ZNF385D: variants seen among roughly 807,000 people sequenced by gnomAD.
ZNF385D encodes the protein zinc finger protein 385D, also known as zinc finger protein 659.
In ZNF385D, 15 loss-of-function variants were observed where a neutral mutation model predicts 35.8. The observed-to-expected ratio is 0.42, with a 90% CI of 0.28 to 0.64. The LOEUF is 0.64. ZNF385D is among the 30% of genes least tolerant of loss of function. The probability of loss-of-function intolerance (pLI) is 0.23; values close to 1 mark genes in which losing one functional copy is unlikely to be tolerated. For missense variants in ZNF385D, 474 were observed against 494.6 expected (o/e 0.96, Z 0.39); for synonymous variants, 212 against 186.8 (o/e 1.13, Z -1.10).
chr3:22,204,015 C>T (rs965773661), intron 2 of ZNF385D, among the ~76,000 whole-genome samples: 5 of 152,190 alleles, frequency 3.3e-5, no homozygotes, highest in African/African-American at 1.2e-4. Flanking sequence ...GTGGTGGTTA[C>T]AGTGCACCTT....
intron 3 of ZNF385D, among the ~76,000 whole-genome samples, chr3:21,524,633 T>C (rs1039016895): frequency 3.9e-5 from 6 of 152,104 alleles, no homozygotes; most frequent in Admixed American, 3.9e-4. Context: ...TTCATAAGGA[T>C]AAAAGTCCTA....
chr3:21,930,752 A>G (rs1700966267), intron 3 of ZNF385D, among the ~76,000 whole-genome samples: 1 of 152,148 alleles, frequency 6.6e-6, no homozygotes, highest in African/African-American at 2.4e-5. Flanking sequence ...AAATTGTGCT[A>G]ATAAGATGCC....
chr3:22,265,229 G>A (rs979889301), intron 2 of ZNF385D, among the ~76,000 whole-genome samples: 5 of 151,874 alleles, frequency 3.3e-5, no homozygotes, highest in African/African-American at 9.7e-5. Flanking sequence ...ATTACAGGGC[G>A]ACCTACTCAG....
At chr3:21,851,752 G>T (rs979637890) in intron 3 of ZNF385D, among the ~76,000 whole-genome samples, 2 of 151,916 alleles carry the variant, frequency 1.3e-5, no homozygotes, top group African/African-American at 4.8e-5. Flanking sequence ...TTAAAAAGGT[G>T]CCAACTCAAC....
At chr3:22,372,290 TC>T in intron 2 of ZNF385D, among the ~76,000 whole-genome samples, 1 of 151,986 alleles carries the variant, frequency 6.6e-6, no homozygotes, top group Non-Finnish European at 1.5e-5. Context: ...GAAAAGGTGG[TC>T]CAAGGTCTGG....
chr3:21,956,405 G>C (rs1443796682), intron 3 of ZNF385D, among the ~76,000 whole-genome samples: 1 of 149,162 alleles, frequency 6.7e-6, no homozygotes, highest in Non-Finnish European at 1.5e-5. Flanking sequence ...AGAAGATAAA[G>C]GTATGTTTAA....
chr3:21,897,943 T>G (rs1214080901), intron 3 of ZNF385D, among the ~76,000 whole-genome samples: 2 of 152,162 alleles, frequency 1.3e-5, no homozygotes, highest in Non-Finnish European at 2.9e-5. Context: ...TTTAAAAAAC[T>G]GAACCATCTA....
At chr3:22,334,856 TG>T (rs1695094370) in intron 2 of ZNF385D, among the ~76,000 whole-genome samples, 1 of 151,800 alleles carries the variant, frequency 6.6e-6, no homozygotes, top group African/African-American at 2.4e-5. Context: ...CAGAAATAAA[TG>T]GAACTAATTT....
intron 2 of ZNF385D, among the ~76,000 whole-genome samples, chr3:22,367,579 T>C (rs1023574891): frequency 2.9e-5 from 4 of 137,820 alleles, no homozygotes; most frequent in African/African-American, 1.0e-4. Flanking sequence ...CTTAACTAAA[T>C]ACAATTTTAA....
chr3:21,842,650 G>C (rs1695753547), intron 3 of ZNF385D, among the ~76,000 whole-genome samples: 1 of 151,958 alleles, frequency 6.6e-6, no homozygotes, highest in Non-Finnish European at 1.5e-5. Flanking sequence ...TTTTCCAGTT[G>C]TAAAACTCTG....
At chr3:22,100,216 C>G (rs1327691114) in intron 3 of ZNF385D, among the ~76,000 whole-genome samples, 1 of 143,682 alleles carries the variant, frequency 7.0e-6, no homozygotes, top group Non-Finnish European at 1.5e-5. Context: ...GAAATAGGAA[C>G]ACTTTTACAC....
intron 1 of ZNF385D, among the ~76,000 whole-genome samples, chr3:21,720,563 G>A (rs2068499140): frequency 6.6e-6 from 1 of 152,140 alleles, no homozygotes; most frequent in South Asian, 2.1e-4. Flanking sequence ...CAAAAAAAAT[G>A]CCAATTCTCA....
chr3:21,482,487 T>C (rs1012819362), intron 4 of ZNF385D, among the ~76,000 whole-genome samples: 2 of 152,180 alleles, frequency 1.3e-5, no homozygotes, highest in Non-Finnish European at 2.9e-5. Flanking sequence ...AAGTCATCCT[T>C]GCCCATGGTC....
intron 3 of ZNF385D, among the ~76,000 whole-genome samples, chr3:22,042,785 G>C (rs987347297): frequency 6.6e-6 from 1 of 152,150 alleles, no homozygotes; most frequent in African/African-American, 2.4e-5. Flanking sequence ...TCCAGATTTT[G>C]CTTATAGCTC....
intron 3 of ZNF385D, among the ~76,000 whole-genome samples, chr3:21,903,062 C>G (rs1038181440): frequency 6.6e-6 from 1 of 152,098 alleles, no homozygotes; most frequent in Non-Finnish European, 1.5e-5. Context: ...AAACAACCTT[C>G]GCAGTGCTAG....
chr3:21,896,810 GTTC>G (rs976848343), intron 3 of ZNF385D, among the ~76,000 whole-genome samples: 4 of 142,142 alleles, frequency 2.8e-5, no homozygotes, highest in African/African-American at 8.0e-5. Flanking sequence ...TCTCCAATGT[GTTC>G]TTAATACTTT....
chr3:22,280,370 T>TG (rs983514321), intron 2 of ZNF385D, among the ~76,000 whole-genome samples: 11 of 151,964 alleles, frequency 7.2e-5, no homozygotes, highest in African/African-American at 2.7e-4. Context: ...AGAAGGGTTT[T>TG]TTTTTTTTTT....
intron 2 of ZNF385D, among the ~76,000 whole-genome samples, chr3:22,279,793 TAGATACAC>T (rs1473262628): frequency 6.6e-6 from 1 of 151,888 alleles, no homozygotes; most frequent in African/African-American, 2.4e-5. Context: ...TTCCTCTGGG[TAGATACAC>T]AGTAGTGGGA....
intron 3 of ZNF385D, among the ~76,000 whole-genome samples, chr3:21,817,296 A>C (rs1456726263): frequency 6.6e-6 from 1 of 152,226 alleles, no homozygotes; most frequent in Non-Finnish European, 1.5e-5. Flanking sequence ...TGACTATAAC[A>C]CCAAAAGCAA....
Sources: gnomAD v4.1 joint callset for allele counts (sites outside exome capture counted in the v4.1 genomes callset) on GRCh38, gnomAD v4.1.1 for gene constraint, MANE v1.5 for transcripts, NCBI Gene and HGNC (gene_info 2026-07-23, HGNC 2026-07-21) for gene names.